DEFB108B: variants seen among roughly 807,000 people sequenced by gnomAD.
DEFB108B encodes beta-defensin 108B.
A neutral mutation model predicts 2.4 loss-of-function variants in DEFB108B; 3 were observed. The observed-to-expected ratio is 1.25, with a 90% CI of 0.57 to 3.24. The LOEUF (loss-of-function observed/expected upper bound fraction) is 3.24, where lower values mean the gene tolerates loss of function less well. Ranked by LOEUF, DEFB108B falls within the 30% of genes most tolerant of loss-of-function variation. The pLI, the probability that DEFB108B is intolerant of heterozygous loss-of-function variation, is 0.03. For missense variants in DEFB108B, 101 were observed against 87.8 expected (o/e 1.15, Z -0.60); for synonymous variants, 25 against 28.7 (o/e 0.87, Z 0.41).
At chr11:71,837,290 A>ACAAATC (rs1952228107) in intron 1 of DEFB108B, 109 bp from the exon 2 acceptor site, 12 of 1,374,106 alleles carry the variant, frequency 8.7e-6, no homozygotes, top group Non-Finnish European at 1.2e-5. Context: ...ACACACACAC[A>ACAAATC]CAAATCCACA....
intron 1 of DEFB108B, among the ~76,000 whole-genome samples, chr11:71,834,192 T>C (rs1446755854): frequency 6.6e-6 from 1 of 152,204 alleles, no homozygotes; most frequent in Non-Finnish European, 1.5e-5. Context: ...GGAGTTCTGT[T>C]GTGCCGTTCC....
intron 1 of DEFB108B, among the ~76,000 whole-genome samples, chr11:71,834,032 G>A (rs1247081443): frequency 6.6e-6 from 1 of 152,148 alleles, no homozygotes; most frequent in East Asian, 1.9e-4. Context: ...ATTCAAGGAT[G>A]AATAAGCAAC....
At chr11:71,836,566 T>C (rs1454231375) in intron 1 of DEFB108B, among the ~76,000 whole-genome samples, 7 of 152,226 alleles carry the variant, frequency 4.6e-5, no homozygotes, top group Non-Finnish European at 8.8e-5. Context: ...TCAAACTAAA[T>C]ACCTCAGTGT....
intron 1 of DEFB108B, among the ~76,000 whole-genome samples, chr11:71,835,276 C>G (rs1009214922): frequency 3.3e-5 from 5 of 152,084 alleles, no homozygotes; most frequent in African/African-American, 1.2e-4. Flanking sequence ...CTCTCTTGTT[C>G]CCATTTTTAT....
rs1233744360 is a variant in DEFB108B, at chr11:71,836,373, A to T, written c.59-1026A>T. 9.8e-5 allele frequency among the ~76,000 whole-genome samples: 15 copies of T among 152,344 alleles called. No homozygotes were observed. The South Asian group carries it at 2.7e-3, about 27-fold the overall frequency. On this transcript the variant is annotated intron_variant, in intron 1 of 1. Coordinates refer to ENST00000328698, the MANE Select transcript of DEFB108B (RefSeq NM_001002035.2). ...CATTTGGATTTCAGTTCAGTTAAAT[A>T]GGCATTTATTGAATGTTTATTAAAA...
intron 1 of DEFB108B, among the ~76,000 whole-genome samples, chr11:71,835,722 G>T (rs1952212199): frequency 6.6e-6 from 1 of 152,164 alleles, no homozygotes; most frequent in Non-Finnish European, 1.5e-5. Context: ...AAAGACCTGT[G>T]AACCGAGAGT....
chr11:71,835,957 A>T (rs1952213816), intron 1 of DEFB108B, among the ~76,000 whole-genome samples: 1 of 152,212 alleles, frequency 6.6e-6, no homozygotes, highest in Admixed American at 6.5e-5. Flanking sequence ...TGCAAGAAGT[A>T]CTACCACAGA....
chr11:71,836,192 G>A (rs1161077095), intron 1 of DEFB108B, among the ~76,000 whole-genome samples: 2 of 152,156 alleles, frequency 1.3e-5, no homozygotes, highest in Non-Finnish European at 2.9e-5. Flanking sequence ...TTTCTACTAA[G>A]TGACCAACAT....
In DEFB108B at chr11:71,833,308, T is replaced by G. The variant is rs569349459; in HGVS notation, c.58+51T>G. The G allele has an allele frequency of 7.6e-6, 12 of 1,570,552 alleles. No individual in the cohort carries two copies. The South Asian group carries it at 1.4e-4, about 18-fold the overall frequency. On this transcript the variant is annotated intron_variant, in intron 1 of 1. Transcript: ENST00000328698. ...AGAGTGCCTAACACCTTACAGGGAT[T>G]CAATACTCAAAGAGAAATCACCATC...
intron 1 of DEFB108B, among the ~76,000 whole-genome samples, chr11:71,836,449 T>C (rs1169449297): frequency 6.6e-6 from 1 of 151,424 alleles, no homozygotes; most frequent in African/African-American, 2.4e-5. Context: ...TGTTCCAGAA[T>C]AGAAAAAAAA....
chr11:71,836,926 A>G (rs1215445422), intron 1 of DEFB108B: 3 of 149,882 alleles, frequency 2.0e-5, no homozygotes, highest in African/African-American at 7.5e-5. Flanking sequence ...ATTATAATCT[A>G]TCATATAGAG....
intron 1 of DEFB108B, chr11:71,834,835 T>C (rs1952205660): frequency 6.6e-6 from 1 of 152,194 alleles, no homozygotes; most frequent in Admixed American, 6.5e-5. Flanking sequence ...TTTCTTTCCG[T>C]CAGCTTATTT....
chr11:71,837,205 G>C (rs765579777), intron 1 of DEFB108B, 194 bp from the exon 2 acceptor site: 9 of 720,886 alleles, frequency 1.2e-5, no homozygotes, highest in Admixed American at 3.1e-5. Flanking sequence ...GATTTTTCAA[G>C]AACACCAAAA....
rs1439842248 is a variant in DEFB108B, at chr11:71,837,513, C to T, written c.173C>T (p.Pro58Leu). ...RCLNSQPCCLPLGHQPRIEST... is the reference protein window; with the variant it reads ...RCLNSQPCCLLLGHQPRIEST... ...TTAAATAGCCAACCCTGCTGCCTGC[C>T]TCTGGGGCATCAACCAAGAATTGAG... The change falls in exon 2 of 2, where the codon CCT becomes CTT. Residue 58 changes from proline (P) to leucine (L), a missense_variant. By Grantham distance (98) the Pro-to-Leu change is moderately conservative (BLOSUM62 -3). Transcript: ENST00000328698. 1.9e-6 allele frequency: 3 copies of T among 1,611,824 alleles called. No homozygotes were observed. The highest frequency in any genetic ancestry group is 2.5e-6 in the Non-Finnish European group (3 of 1,179,850).
At chr11:71,836,920 T>C (rs1293761902) in intron 1 of DEFB108B, 1 of 150,086 alleles carries the variant, frequency 6.7e-6, no homozygotes, top group African/African-American at 2.5e-5. Flanking sequence ...ACATCTATTA[T>C]AATCTATCAT....
At chr11:71,835,373 A>G (rs572948436) in intron 1 of DEFB108B, among the ~76,000 whole-genome samples, 2 of 152,302 alleles carry the variant, frequency 1.3e-5, no homozygotes, top group South Asian at 2.1e-4. Flanking sequence ...TTTGCTTAGA[A>G]TAAAGTCCTC....
At chr11:71,833,840 G>A (rs1295097891) in intron 1 of DEFB108B, among the ~76,000 whole-genome samples, 3 of 152,076 alleles carry the variant, frequency 2.0e-5, no homozygotes, top group Admixed American at 1.3e-4. Flanking sequence ...CAGGAACCAG[G>A]GATGACCCCA....
chr11:71,834,752 T>C (rs1299068888), intron 1 of DEFB108B: 1 of 152,214 alleles, frequency 6.6e-6, no homozygotes, highest in Non-Finnish European at 1.5e-5. Context: ...AGAATGAGGC[T>C]CAGAATACCA....
intron 1 of DEFB108B, 116 bp from the exon 2 acceptor site, chr11:71,837,283 C>A: frequency 4.6e-6 from 6 of 1,307,068 alleles, no homozygotes; most frequent in Non-Finnish European, 6.6e-6. Context: ...CACACACACA[C>A]ACACACACAA....
Sources: allele counts gnomAD v4.1 joint callset (sites outside exome capture counted in the v4.1 genomes callset), GRCh38; gene constraint gnomAD v4.1.1; transcripts MANE v1.5; gene names NCBI Gene and HGNC (gene_info 2026-07-23, HGNC 2026-07-21).